ROBO2: variants seen among roughly 807,000 people sequenced by gnomAD.
ROBO2 encodes roundabout guidance receptor 2, also known as roundabout homolog 2.
A neutral mutation model predicts 160.8 loss-of-function variants in ROBO2; 53 were observed. The observed-to-expected ratio is 0.33, with a 90% CI of 0.26 to 0.41. The LOEUF is 0.41. Among genes scored for constraint, ROBO2 ranks in the 10% least tolerant of loss-of-function variants. ROBO2 has a pLI of 1.00. For synonymous variants in ROBO2, 664 were observed against 611.7 expected, an observed-to-expected ratio of 1.09 and a Z score of -1.26; for missense variants, 1,577 against 1,722.4, an observed-to-expected ratio of 0.92 and a Z score of 1.49.
intron 2 of ROBO2, among the ~76,000 whole-genome samples, chr3:76,110,165 T>C (rs2070159738): frequency 6.6e-6 from 1 of 151,962 alleles, no homozygotes; most frequent in Non-Finnish European, 1.5e-5. Context: ...AGTTTATAGG[T>C]TGATAATAAT....
At chr3:77,430,711 A>G (rs1390506597) in intron 2 of ROBO2, among the ~76,000 whole-genome samples, 1 of 152,242 alleles carries the variant, frequency 6.6e-6, no homozygotes, top group South Asian at 2.1e-4. Context: ...ACTGCTGCCA[A>G]CTCAACCTTG....
intron 2 of ROBO2, among the ~76,000 whole-genome samples, chr3:76,633,429 G>A (rs920046021): frequency 6.6e-6 from 1 of 152,096 alleles, no homozygotes; most frequent in Admixed American, 6.6e-5. Flanking sequence ...GAGGAAATGA[G>A]TGGAAAATGA....
intron 2 of ROBO2, among the ~76,000 whole-genome samples, chr3:76,015,918 A>C (rs2066393036): frequency 6.6e-6 from 1 of 152,118 alleles, no homozygotes; most frequent in African/African-American, 2.4e-5. Context: ...TTGGACTCTC[A>C]GTGTTTTAGA....
intron 2 of ROBO2, among the ~76,000 whole-genome samples, chr3:77,461,208 A>G (rs1258971933): frequency 1.3e-5 from 2 of 152,184 alleles, no homozygotes; most frequent in Non-Finnish European, 2.9e-5. Flanking sequence ...ACTTTTTATT[A>G]TGCAAATTTA....
intron 2 of ROBO2, among the ~76,000 whole-genome samples, chr3:76,874,003 A>T (rs1279175894): frequency 6.6e-6 from 1 of 152,158 alleles, no homozygotes. Context: ...ACCAAACAGA[A>T]GCATAACAGA....
chr3:77,160,978 GTTA>G (rs1263409378), intron 2 of ROBO2, among the ~76,000 whole-genome samples: 4 of 152,180 alleles, frequency 2.6e-5, no homozygotes, highest in African/African-American at 9.7e-5. Flanking sequence ...TATGTAGAGT[GTTA>G]TTAAAGCATC....
chr3:77,644,297 A>G (rs1395990285), intron 24 of ROBO2, among the ~76,000 whole-genome samples: 1 of 152,174 alleles, frequency 6.6e-6, no homozygotes, highest in East Asian at 1.9e-4. Flanking sequence ...ATGTTGCCAT[A>G]ATTTAAGCTG....
intron 2 of ROBO2, among the ~76,000 whole-genome samples, chr3:77,229,822 C>T (rs970352831): frequency 6.6e-6 from 1 of 151,996 alleles, no homozygotes; most frequent in Non-Finnish European, 1.5e-5. Flanking sequence ...TATTTCAACC[C>T]GTTGAAATCA....
intron 2 of ROBO2, among the ~76,000 whole-genome samples, chr3:77,233,955 T>C (rs2087580823): frequency 6.6e-6 from 1 of 152,188 alleles, no homozygotes; most frequent in African/African-American, 2.4e-5. Flanking sequence ...GTGTTTCTGT[T>C]TTCTAAAATA....
At chr3:76,137,573 G>A (rs1019928508) in intron 2 of ROBO2, among the ~76,000 whole-genome samples, 1 of 149,410 alleles carries the variant, frequency 6.7e-6, no homozygotes, top group African/African-American at 2.5e-5. Flanking sequence ...AAAGAGTAAT[G>A]TTCATGTAAA....
chr3:77,158,899 A>T (rs951255362), intron 2 of ROBO2, among the ~76,000 whole-genome samples: 1 of 152,120 alleles, frequency 6.6e-6, no homozygotes, highest in Non-Finnish European at 1.5e-5. Flanking sequence ...AAAACACATC[A>T]TGGGTTCTAA....
At chr3:76,897,663 C>T (rs113745836) in intron 2 of ROBO2, among the ~76,000 whole-genome samples, 1 of 151,124 alleles carries the variant, frequency 6.6e-6, no homozygotes, top group Non-Finnish European at 1.5e-5. Context: ...AATGTATGTT[C>T]TGTTTACTTT....
chr3:77,319,207 T>G (rs1372427), intron 2 of ROBO2, among the ~76,000 whole-genome samples: 2 of 152,126 alleles, frequency 1.3e-5, no homozygotes, highest in Admixed American at 1.3e-4. Flanking sequence ...TTGAATCTAA[T>G]GAAAGTAAAA....
chr3:76,037,006 C>G (rs2067131081), intron 2 of ROBO2, among the ~76,000 whole-genome samples: 1 of 151,936 alleles, frequency 6.6e-6, no homozygotes, highest in Admixed American at 6.5e-5. Context: ...ATCTTGCCAT[C>G]CTCTTTGTTG....
intron 2 of ROBO2, among the ~76,000 whole-genome samples, chr3:77,026,821 T>C (rs1297073625): frequency 6.6e-6 from 1 of 152,212 alleles, no homozygotes; most frequent in African/African-American, 2.4e-5. Context: ...ATTGAATGAA[T>C]TATCATTTTC....
At chr3:76,217,503 T>G (rs1703632009) in intron 2 of ROBO2, among the ~76,000 whole-genome samples, 1 of 152,010 alleles carries the variant, frequency 6.6e-6, no homozygotes, top group Non-Finnish European at 1.5e-5. Context: ...CCCACAGAAA[T>G]ACAAACTACC....
At chr3:77,145,888 C>T (rs1342684189) in intron 2 of ROBO2, among the ~76,000 whole-genome samples, 1 of 152,136 alleles carries the variant, frequency 6.6e-6, no homozygotes, top group Non-Finnish European at 1.5e-5. Context: ...TGAACATTGG[C>T]TGTGGTCTGA....
intron 2 of ROBO2, among the ~76,000 whole-genome samples, chr3:76,593,742 A>G (rs1273285785): frequency 2.6e-5 from 4 of 152,036 alleles, no homozygotes; most frequent in African/African-American, 9.7e-5. Context: ...TTAAAAGCAG[A>G]GTTGAGTTGC....
At chr3:77,130,745 C>T (rs1450183741) in intron 2 of ROBO2, among the ~76,000 whole-genome samples, 2 of 152,048 alleles carry the variant, frequency 1.3e-5, no homozygotes, top group Admixed American at 1.3e-4. Flanking sequence ...ACACATTATC[C>T]TCTTTCCATG....
Sources: gnomAD v4.1 joint callset for allele counts (sites outside exome capture counted in the v4.1 genomes callset) on GRCh38, gnomAD v4.1.1 for gene constraint, MANE v1.5 for transcripts, NCBI Gene and HGNC (gene_info 2026-07-23, HGNC 2026-07-21) for gene names.